PXK: variants seen among roughly 807,000 people sequenced by gnomAD.
PXK encodes PX domain-containing protein kinase-like protein.
In PXK, 35 loss-of-function variants were observed where a neutral mutation model predicts 84.7. That is an observed-to-expected ratio of 0.41 (90% CI 0.32 to 0.55). The LOEUF (loss-of-function observed/expected upper bound fraction) is 0.55, where lower values mean the gene tolerates loss of function less well. PXK is among the 20% of genes least tolerant of loss of function. The pLI, the probability that PXK is intolerant of heterozygous loss-of-function variation, is 0.21. For missense variants in PXK, 634 were observed against 699.7 expected, an observed-to-expected ratio of 0.91 and a Z score of 1.06; for synonymous variants, 253 against 260.8, an observed-to-expected ratio of 0.97 and a Z score of 0.29.
rs570308985 is a variant in PXK, at chr3:58,349,014, A to G, written c.102+15924A>G. On this transcript the variant is annotated intron_variant, in intron 1 of 17. Transcript: ENST00000356151. Reference sequence around the variant, plus strand: ...CAGCATATCTCAATTGGGACTAGCCACATATCAGATGCTCAGTAGCCACAT... The same window carrying G: ...CAGCATATCTCAATTGGGACTAGCCGCATATCAGATGCTCAGTAGCCACAT... 2.0e-4 allele frequency among the ~76,000 whole-genome samples: 30 copies of G among 152,248 alleles called. No individual in the cohort carries two copies. In the South Asian group the frequency reaches 6.2e-3, roughly 32 times the overall value.
chr3:58,426,010 T>A lies in PXK; in HGVS notation c.*1050T>A, dbSNP rs1310718671. ...ATGTCAGCTGTATTTTTTATTAAAA[T>A]CATGTCAAGAAAACGTGTTGTCTGT... is the stretch of plus-strand genomic sequence containing the variant. On this transcript the variant is annotated 3_prime_UTR_variant, in exon 18 of 18. Coordinates refer to ENST00000356151, the MANE Select transcript of PXK (RefSeq NM_017771.5). 6.6e-6 allele frequency: 1 copy of A among 152,240 alleles called. No individual in the cohort carries two copies. The highest frequency in any genetic ancestry group is 1.5e-5 in the Non-Finnish European group (1 of 68,040). The allele number at this position is 152,240 out of a possible 1,614,324, so 9.4% of individuals were successfully genotyped here. A position where few individuals can be genotyped will look rare whatever the true frequency, so the allele number is the denominator to read the frequency against.
At position 58,421,566 on chromosome 3, in the gene PXK, C is replaced by T. The variant is rs1166019384; in HGVS notation, c.1529-3186C>T. 4.1e-6 allele frequency: 4 copies of T among 981,320 alleles called. No homozygotes were observed. The highest frequency in any genetic ancestry group is 4.7e-5 in the South Asian group (1 of 21,228). The allele number at this position is 981,320 out of a possible 1,614,324, so 60.8% of individuals were successfully genotyped here. On this transcript the variant is annotated intron_variant, in intron 17 of 17. Transcript: ENST00000356151. The surrounding 1 kb of genome is among the most constrained non-coding windows in gnomAD (Gnocchi z 5.5). ...CTGCACTCCAGCCTGGGCAACAGAG[C>T]GAGACTCCATCTCAGAAAAAAAGGA...
At chr3:58,388,624 A>G (rs1348321779) in intron 4 of PXK, among the ~76,000 whole-genome samples, 2 of 151,730 alleles carry the variant, frequency 1.3e-5, no homozygotes, top group Non-Finnish European at 2.9e-5. Flanking sequence ...ACTCTGGGGT[A>G]GTTAGAACAA....
At chr3:58,381,926 G>T (rs1249999265) in intron 3 of PXK, among the ~76,000 whole-genome samples, 1 of 152,126 alleles carries the variant, frequency 6.6e-6, no homozygotes, top group Non-Finnish European at 1.5e-5. Flanking sequence ...TCATGGGACT[G>T]CCAGTAATAA....
chr3:58,344,129 T>C (rs2107818802), intron 1 of PXK, among the ~76,000 whole-genome samples: 1 of 152,322 alleles, frequency 6.6e-6, no homozygotes, highest in South Asian at 2.1e-4. Flanking sequence ...AAAGTGAGGA[T>C]AGAAAGAGTA....
chr3:58,387,158 T>G (rs7653734), intron 4 of PXK, among the ~76,000 whole-genome samples: 1 of 151,986 alleles, frequency 6.6e-6, no homozygotes, highest in Non-Finnish European at 1.5e-5. Flanking sequence ...CTGTGGGAAG[T>G]ACAGGATGGA....
chr3:58,401,542 C>G lies in PXK; in HGVS notation c.1181+2165C>G, dbSNP rs1283442272. 6.6e-6 allele frequency among the ~76,000 whole-genome samples: 1 copy of G among 152,142 alleles called. No homozygotes were observed. The highest frequency in any genetic ancestry group is 1.5e-5 in the Non-Finnish European group (1 of 68,022). Reference sequence around the variant, plus strand: ...TTGGAAGGCTGAGGTGGTAGAATCGCTTGAGCCTAGGAATTTGAGGTTGCA... The same window carrying G: ...TTGGAAGGCTGAGGTGGTAGAATCGGTTGAGCCTAGGAATTTGAGGTTGCA... On this transcript the variant is annotated intron_variant, in intron 12 of 17. Transcript: ENST00000356151. The surrounding 1 kb of genome is among the most constrained non-coding windows in gnomAD (Gnocchi z 4.4).
chr3:58,348,440 G>A (rs1218344817), intron 1 of PXK, among the ~76,000 whole-genome samples: 1 of 152,104 alleles, frequency 6.6e-6, no homozygotes, highest in African/African-American at 2.4e-5. Flanking sequence ...CACTACATAC[G>A]ACAGAGGCCT....
chr3:58,356,916 G>A (rs1281720201), intron 1 of PXK, among the ~76,000 whole-genome samples: 1 of 109,432 alleles, frequency 9.1e-6, no homozygotes, highest in South Asian at 3.3e-4. Flanking sequence ...TTTTTTTTTT[G>A]TTCACAGCAT....
Position 58,409,347 on chromosome 3 carries a change from G to A in PXK, c.1309-185G>A, listed in dbSNP as rs921153617. 6.6e-6 allele frequency among the ~76,000 whole-genome samples: 1 copy of A among 152,188 alleles called. No homozygotes were observed. The highest frequency in any genetic ancestry group is 1.5e-5 in the Non-Finnish European group (1 of 68,024). On this transcript the variant is annotated intron_variant, in intron 14 of 17. Transcript: ENST00000356151. The surrounding 1 kb of genome is among the most constrained non-coding windows in gnomAD (Gnocchi z 4.2). ...AGGAAGGCATTAGGGGCATGAGAAAGGACCTCTTCCTTTGGCATACTCCTC... is the reference window on the plus strand; with the variant it reads ...AGGAAGGCATTAGGGGCATGAGAAAAGACCTCTTCCTTTGGCATACTCCTC...
chr3:58,373,228 G>A (rs149052779), intron 3 of PXK, among the ~76,000 whole-genome samples: 3 of 151,944 alleles, frequency 2.0e-5, no homozygotes, highest in Non-Finnish European at 4.4e-5. Context: ...CAAGGCGCCC[G>A]CCACCATGCC....
intron 2 of PXK, 28 bp from the exon 3 acceptor site, chr3:58,369,403 T>A (rs1400698554): frequency 6.3e-7 from 1 of 1,581,180 alleles, no homozygotes; most frequent in Admixed American, 1.7e-5. Context: ...CTTTGCTGAA[T>A]CAAAACACTA....
At chr3:58,356,067 T>C (rs902019093) in intron 1 of PXK, among the ~76,000 whole-genome samples, 1 of 152,130 alleles carries the variant, frequency 6.6e-6, no homozygotes, top group African/African-American at 2.4e-5. Context: ...TCAGTACTGG[T>C]TTTAAGTTAA....
intron 3 of PXK, among the ~76,000 whole-genome samples, chr3:58,376,919 C>A (rs1427512404): frequency 6.6e-6 from 1 of 152,172 alleles, no homozygotes; most frequent in Non-Finnish European, 1.5e-5. Context: ...GGATTACAGG[C>A]ATGAGCCACT....
rs1465233574 is a variant in PXK, at chr3:58,420,687, C to CT, written c.1529-4064dup. ...AACAAGTGGGAAAGCAGATTTGAGA[C>CT]TATTTCCTTATCTGAATATTTAAAT... On this transcript the variant is annotated intron_variant, in intron 17 of 17. Transcript: ENST00000356151. 3.0e-4 allele frequency: 447 copies of CT among 1,506,754 alleles called. 5 individuals are homozygous for CT. The South Asian group carries it at 4.9e-3, about 17-fold the overall frequency. The allele number at this position is 1,506,754 out of a possible 1,614,324, so 93.3% of individuals were successfully genotyped here. A position where few individuals can be genotyped will look rare whatever the true frequency, so the allele number is the denominator to read the frequency against.
intron 1 of PXK, among the ~76,000 whole-genome samples, chr3:58,352,608 A>G (rs1482133859): frequency 6.6e-6 from 1 of 152,174 alleles, no homozygotes; most frequent in Non-Finnish European, 1.5e-5. Context: ...GTAAGATGGA[A>G]TTACTGGGTT....
chr3:58,403,008 C>CTTT (rs71287200), intron 12 of PXK, among the ~76,000 whole-genome samples: 21 of 141,394 alleles, frequency 1.5e-4, no homozygotes, highest in African/African-American at 2.6e-4. Flanking sequence ...ATAACATACC[C>CTTT]TTTTTTTTTT....
intron 17 of PXK, chr3:58,420,858 G>T: frequency 8.2e-7 from 1 of 1,220,746 alleles, no homozygotes; most frequent in South Asian, 2.1e-5. Flanking sequence ...TGGCATTTTG[G>T]TATATTTTAA....
At chr3:58,356,687 T>C (rs553467292) in intron 1 of PXK, among the ~76,000 whole-genome samples, 1 of 151,248 alleles carries the variant, frequency 6.6e-6, no homozygotes, top group Admixed American at 6.6e-5. Context: ...CACCACAACC[T>C]CCGCCTCCTG....
Sources: gnomAD v4.1 joint callset for allele counts (sites outside exome capture counted in the v4.1 genomes callset) on GRCh38, gnomAD v4.1.1 for gene constraint, Gnocchi (gnomAD v3.1) non-coding constraint, MANE v1.5 for transcripts, NCBI Gene and HGNC (gene_info 2026-07-23, HGNC 2026-07-21) for gene names.